LCOR: variants seen among roughly 807,000 people sequenced by gnomAD.
LCOR encodes the protein ligand-dependent corepressor.
Under a neutral mutation model 64.4 loss-of-function variants are expected in LCOR, and 14 were observed. The ratio of observed to expected loss-of-function variants is 0.22; its 90% CI spans 0.14 to 0.34. The LOEUF (loss-of-function observed/expected upper bound fraction) is 0.34, where lower values mean the gene tolerates loss of function less well. Ranked by LOEUF, LCOR falls within the 10% of genes least tolerant of loss-of-function variation. The probability of loss-of-function intolerance (pLI) is 1.00; values close to 1 mark genes in which losing one functional copy is unlikely to be tolerated. For synonymous variants in LCOR, 643 were observed against 642.5 expected (o/e 1.00, Z -0.01); for missense variants, 1,686 against 1,765.3 (o/e 0.96, Z 0.80).
At chr10:96,907,637 T>G (rs1272402153) in intron 3 of LCOR, 31 bp from the exon 4 acceptor site, 3 of 828,578 alleles carry the variant, frequency 3.6e-6, no homozygotes, top group Non-Finnish European at 4.4e-6. Flanking sequence ...AATTCTCTTT[T>G]ATGACTATTA....
chr10:96,924,552 A>T (rs763577756), intron 4 of LCOR, among the ~76,000 whole-genome samples: 6 of 152,062 alleles, frequency 3.9e-5, no homozygotes, highest in East Asian at 3.9e-4. Flanking sequence ...ACATTAAAAA[A>T]TTTTTTATTT....
intron 4 of LCOR, among the ~76,000 whole-genome samples, chr10:96,919,965 A>G (rs1564625781): frequency 6.6e-6 from 1 of 152,172 alleles, no homozygotes; most frequent in African/African-American, 2.4e-5. Flanking sequence ...GGGTATACAG[A>G]TACCTCTTTG....
chr10:96,878,171 T>C (rs770824783), intron 2 of LCOR, among the ~76,000 whole-genome samples: 2 of 152,206 alleles, frequency 1.3e-5, no homozygotes, highest in African/African-American at 2.4e-5. Context: ...CTTCCACTTT[T>C]ACTCTGAGCA....
chr10:96,920,716 A>G lies in LCOR; in HGVS notation c.-184+12969A>G, dbSNP rs190039035. 2.4e-4 allele frequency among the ~76,000 whole-genome samples: 32 copies of G among 133,588 alleles called. No individual in the cohort carries two copies. In the East Asian group the frequency reaches 6.4e-3, roughly 27 times the overall value. The allele number at this position is 133,588 out of a possible 152,430, so 87.6% of individuals were successfully genotyped here. ...TATATGTTCATATATGTGTGTATAT[A>G]TGTATATATGTTCATATATATGTGT... On this transcript the variant is annotated intron_variant, in intron 4 of 7. Coordinates refer to ENST00000421806, the MANE Select transcript of LCOR (RefSeq NM_001346516.2).
chr10:96,973,646 A>G (rs1049801044), intron 7 of LCOR, among the ~76,000 whole-genome samples: 1 of 152,192 alleles, frequency 6.6e-6, no homozygotes, highest in Non-Finnish European at 1.5e-5. Flanking sequence ...GAGTCAAGCC[A>G]TAGTAATTTA....
intron 2 of LCOR, among the ~76,000 whole-genome samples, chr10:96,880,735 G>C (rs565900903): frequency 7.2e-5 from 11 of 152,248 alleles, no homozygotes; most frequent in Admixed American, 2.6e-4. Flanking sequence ...CATAAATATA[G>C]AGCAACACTA....
At chr10:96,848,478 T>C (rs1845669511) in intron 2 of LCOR, among the ~76,000 whole-genome samples, 1 of 152,114 alleles carries the variant, frequency 6.6e-6, no homozygotes, top group Admixed American at 6.6e-5. Flanking sequence ...ACCAACATGG[T>C]GAAACTCTGT....
chr10:96,957,022 G>A (rs1367128280), intron 7 of LCOR: 1 of 985,218 alleles, frequency 1.0e-6, no homozygotes, highest in Non-Finnish European at 1.2e-6. Flanking sequence ...ATCCATGTTT[G>A]TAGTGAGAGA....
chr10:96,905,910 A>G (rs2134451461), intron 2 of LCOR, among the ~76,000 whole-genome samples: 1 of 152,310 alleles, frequency 6.6e-6, no homozygotes, highest in Non-Finnish European at 1.5e-5. Flanking sequence ...ATTATGGCTT[A>G]ATACCAAGGC....
chr10:96,971,770 A>C (rs907721231), intron 7 of LCOR, among the ~76,000 whole-genome samples: 6 of 152,146 alleles, frequency 3.9e-5, no homozygotes, highest in African/African-American at 1.2e-4. Context: ...AAGAAAGTCA[A>C]CCCTTGTAGT....
At chr10:96,967,548 G>C (rs183064443) in intron 7 of LCOR, among the ~76,000 whole-genome samples, 1 of 152,054 alleles carries the variant, frequency 6.6e-6, no homozygotes, top group Non-Finnish European at 1.5e-5. Flanking sequence ...ATTTCAACTC[G>C]TGAGTTGAAA....
chr10:96,981,883 A>G lies in LCOR; in HGVS notation c.1423A>G (p.Ile475Val). 1 of 1,614,240 alleles carries G rather than the reference A, an allele frequency of 6.2e-7. No homozygotes were observed. The highest frequency in any genetic ancestry group is 8.5e-7 in the Non-Finnish European group (1 of 1,180,044). ...TGATAACCAGTGTGATGTTGTTTAT[A>G]TCAGTCAACCAATAACAGAATGCCA... ...DYDNQCDVVY[I>V]SQPITECHFE... The change falls in exon 8 of 8, where the codon ATC becomes GTC. Residue 475 changes from isoleucine (I) to valine (V), a missense_variant. Transcript: ENST00000421806.
At chr10:96,913,272 A>G (rs917339179) in intron 4 of LCOR, among the ~76,000 whole-genome samples, 5 of 152,164 alleles carry the variant, frequency 3.3e-5, no homozygotes, top group African/African-American at 4.8e-5. Flanking sequence ...ATGTGTAGCT[A>G]TGTTATTTTA....
At chr10:96,870,360 A>G (rs571649403) in intron 2 of LCOR, among the ~76,000 whole-genome samples, 15 of 152,300 alleles carry the variant, frequency 9.8e-5, no homozygotes, top group African/African-American at 3.4e-4. Flanking sequence ...TAAACAAACA[A>G]ACAAACATTA....
rs577281860 is a variant in LCOR at position 96,839,254 on chromosome 10, A to T, written c.-330+5775A>T. ...TGTAAGAATTGTGTATATATTCTGGATATACTTACAGTGTATGCTTTGCAG... is the reference window on the plus strand; with the variant it reads ...TGTAAGAATTGTGTATATATTCTGGTTATACTTACAGTGTATGCTTTGCAG... On this transcript the variant is annotated intron_variant, in intron 2 of 7. Coordinates refer to ENST00000421806, the MANE Select transcript of LCOR (RefSeq NM_001346516.2). Among the ~76,000 whole-genome samples, 4 of 152,298 alleles carry T rather than the reference A, an allele frequency of 2.6e-5. No homozygotes were observed. The East Asian group carries it at 7.7e-4, about 29-fold the overall frequency.
At chr10:96,861,527 GTCTCT>G (rs1845887575) in intron 2 of LCOR, among the ~76,000 whole-genome samples, 1 of 152,012 alleles carries the variant, frequency 6.6e-6, no homozygotes, top group Non-Finnish European at 1.5e-5. Context: ...CACTAGGTGA[GTCTCT>G]TCTCTTCTCT....
At chr10:96,869,883 GTTC>G (rs1250383497) in intron 2 of LCOR, among the ~76,000 whole-genome samples, 1 of 151,994 alleles carries the variant, frequency 6.6e-6, no homozygotes, top group African/African-American at 2.4e-5. Context: ...CAGGATCTCA[GTTC>G]TTCTTAAGGA....
intron 7 of LCOR, chr10:96,958,517 T>C (rs1847820484): frequency 1.3e-6 from 1 of 767,156 alleles, no homozygotes; most frequent in South Asian, 1.5e-5. Context: ...GAGTTGTAAA[T>C]AGTGAAAATT....
chr10:96,874,796 C>A (rs1162512161), intron 2 of LCOR, among the ~76,000 whole-genome samples: 3 of 151,922 alleles, frequency 2.0e-5, no homozygotes, highest in African/African-American at 7.3e-5. Context: ...TACCACCACG[C>A]CCAGCTAATT....
Sources: allele counts gnomAD v4.1 joint callset (sites outside exome capture counted in the v4.1 genomes callset), GRCh38; gene constraint gnomAD v4.1.1; transcripts MANE v1.5; gene names NCBI Gene and HGNC (gene_info 2026-07-23, HGNC 2026-07-21).